The following FSCN2 variants were observed in gnomAD, a reference collection of about 807,000 sequenced individuals.
The protein encoded by FSCN2 is fascin-2.
FSCN2 carries 46 observed loss-of-function variants against 37.8 expected under a neutral mutation model. That is an observed-to-expected ratio of 1.22 (90% CI 0.96 to 1.56). FSCN2 has a LOEUF of 1.56. Ranked by LOEUF, FSCN2 falls within the 40% of genes most tolerant of loss-of-function variation. The pLI, the probability that FSCN2 is intolerant of heterozygous loss-of-function variation, is 0.00. For synonymous variants in FSCN2, 351 were observed against 309.4 expected (o/e 1.13, Z -1.41); for missense variants, 844 against 730.4 (o/e 1.16, Z -1.79).
At chr17:81,525,918 A>G (rs2032336300), upstream of FSCN2, among the ~76,000 whole-genome samples, 1 of 152,064 alleles carries the variant, frequency 6.6e-6, no homozygotes, top group South Asian at 2.1e-4. Context: ...GCCTCCCTCC[A>G]AGGAAGCCTG....
chr17:81,535,389 AT>A (rs1292404209), intron 2 of FSCN2, among the ~76,000 whole-genome samples, 181 bp downstream of exon 2: 1 of 132,168 alleles, frequency 7.6e-6, no homozygotes, highest in Non-Finnish European at 1.6e-5. Flanking sequence ...CGCCATCCCC[AT>A]CCCCATCATC....
chr17:81,525,465 G>A (rs1419438801), upstream of FSCN2, among the ~76,000 whole-genome samples: 1 of 148,958 alleles, frequency 6.7e-6, no homozygotes, highest in South Asian at 2.1e-4. Flanking sequence ...GTTCACGGCT[G>A]TAATCCCAGC....
intron 1 of FSCN2, among the ~76,000 whole-genome samples, chr17:81,529,935 G>A (rs894245114): frequency 7.9e-5 from 12 of 152,180 alleles, no homozygotes; most frequent in Non-Finnish European, 1.2e-4. Flanking sequence ...TCAGCCTCCC[G>A]AGTAGCTGGG....
rs1220673103 is a variant in FSCN2, at chr17:81,537,031, T to C, written c.1430T>C (p.Leu477Pro). 2.7e-6 allele frequency: 4 copies of C among 1,483,040 alleles called. No homozygotes were observed. Among genetic ancestry groups the C allele is most frequent in the Non-Finnish European group, 3.6e-6 (4 of 1,124,152 alleles). The allele number at this position is 1,483,040 out of a possible 1,614,324, so 91.9% of individuals were successfully genotyped here. Residue 477 changes from leucine (L) to proline (P), a missense_variant, in exon 5 of 5, where the codon CTG becomes CCG. Coordinates refer to ENST00000417245, the MANE Select transcript of FSCN2 (RefSeq NM_012418.4). ...KYLRGGASGL[L>P]RADADAPAGT... ...CTGCGCGGCGGCGCCTCGGGCCTGC[T>C]GCGGGCCGATGCCGACGCCCCGGCC...
chr17:81,528,369 CGCGGGTCAGAG>C (rs570523553), exon 1 of FSCN2: 113 of 605,898 alleles, frequency 1.9e-4, no homozygotes, highest in African/African-American at 1.1e-3. Flanking sequence ...AGGCTGCTGC[CGCGGGTCAGAG>C]GCGGGTCAGA....
the FSCN2 span, among the ~76,000 whole-genome samples, chr17:81,520,232 A>T: frequency 6.6e-6 from 1 of 152,046 alleles, no homozygotes; most frequent in African/African-American, 2.4e-5. Flanking sequence ...GGCCGTGGGG[A>T]CACAGGAAGG....
At chr17:81,519,554 C>A in the FSCN2 span, among the ~76,000 whole-genome samples, 1 of 152,178 alleles carries the variant, frequency 6.6e-6, no homozygotes, top group African/African-American at 2.4e-5. Context: ...GAGGCCGCAC[C>A]TGTCGCGCTG....
At chr17:81,531,916 T>A (rs1443545478) in intron 1 of FSCN2, among the ~76,000 whole-genome samples, 1 of 150,808 alleles carries the variant, frequency 6.6e-6, no homozygotes, top group African/African-American at 2.5e-5. Context: ...ATGGTGATGA[T>A]GGTGATGGTG....
upstream of FSCN2, among the ~76,000 whole-genome samples, chr17:81,526,360 A>T (rs142150280): frequency 6.6e-6 from 1 of 152,342 alleles, no homozygotes; most frequent in Non-Finnish European, 1.5e-5. Context: ...GGCCGGGCGC[A>T]GTGGCCACGC....
At chr17:81,536,070 T>G (rs1568082654) in intron 2 of FSCN2, 76 bp from the exon 3 acceptor site, 1 of 1,536,464 alleles carries the variant, frequency 6.5e-7, no homozygotes, top group Non-Finnish European at 8.8e-7. Context: ...CCTTGGAACC[T>G]GAGGAGGATG....
intron 1 of FSCN2, among the ~76,000 whole-genome samples, chr17:81,532,288 TGGTGATGATGATGATAGTGATGGC>T (rs2032692192): frequency 7.1e-6 from 1 of 141,222 alleles, no homozygotes; most frequent in African/African-American, 2.8e-5. Context: ...ATGGTGATGG[TGGTGATGATGATGATAGTGATGGC>T]GATGATGGTG....
chr17:81,532,415 G>A (rs1598576436), intron 1 of FSCN2, among the ~76,000 whole-genome samples: 1 of 140,360 alleles, frequency 7.1e-6, no homozygotes, highest in East Asian at 2.1e-4. Flanking sequence ...TGATGGTGAT[G>A]ATGGTGATGG....
At chr17:81,534,705 T>C (rs1228335617) in intron 1 of FSCN2, among the ~76,000 whole-genome samples, 1 of 151,566 alleles carries the variant, frequency 6.6e-6, no homozygotes, top group South Asian at 2.1e-4. Flanking sequence ...GAGTTATAAA[T>C]AGAGGCTGGG....
At position 81,529,206 on chromosome 17, in the gene FSCN2, C is replaced by T. The variant is rs782333564; in HGVS notation, c.675C>T (p.Asp225=). ...GCAAGCTGGCCTTCAAGGACTGCGA[C>T]GGCCACTACCTGGCACCCGTGGGGC... is the stretch of plus-strand genomic sequence containing the variant. ...KAGKLAFKDC[D]GHYLAPVGPA... The change falls in exon 1 of 5, where the codon GAC becomes GAT. Residue 225 remains aspartate, a synonymous_variant. Transcript: ENST00000417245. 45 of 1,597,642 alleles carry T rather than the reference C, an allele frequency of 2.8e-5. No homozygotes were observed. The highest frequency in any genetic ancestry group is 2.3e-4 in the African/African-American group (17 of 74,720).
In FSCN2 at chr17:81,535,034, C is replaced by T; in HGVS notation, c.827-18C>T. ...ACCCAGGAGAGGCGTGAGGGGCTTC[C>T]CCATCTCCTCCCTCCAGGGGTCAAC... is the stretch of plus-strand genomic sequence containing the variant. On this transcript the variant is annotated intron_variant, in intron 1 of 4. Transcript: ENST00000417245. The T allele has an allele frequency of 6.6e-7, 1 of 1,515,486 alleles. No individual in the cohort carries two copies. The highest frequency in any genetic ancestry group is 8.8e-7 in the Non-Finnish European group (1 of 1,135,118). The allele number at this position is 1,515,486 out of a possible 1,614,324, so 93.9% of individuals were successfully genotyped here.
the FSCN2 span, among the ~76,000 whole-genome samples, chr17:81,517,782 C>T: frequency 6.8e-6 from 1 of 148,022 alleles, no homozygotes; most frequent in African/African-American, 2.5e-5. Flanking sequence ...TCCAGTCCCA[C>T]TCCTTCCTCC....
chr17:81,529,310 A>G lies in FSCN2; in HGVS notation c.779A>G (p.Gln260Arg), dbSNP rs374814454. The change falls in exon 1 of 5, where the codon CAG becomes CGG. Residue 260 changes from glutamine (Q) to arginine (R), a missense_variant. Gln to Arg is a conservative substitution (Grantham distance 43). Transcript: ENST00000417245. ...ELFDLEESHP[Q>R]VVLVAANHRY... The stretch of plus-strand genomic sequence containing the variant: ...TTTGATCTGGAGGAGAGTCACCCAC[A>G]GGTGGTGCTGGTGGCTGCCAACCAC... The G allele has an allele frequency of 6.4e-7, 1 of 1,565,990 alleles. No individual in the cohort carries two copies. Among genetic ancestry groups the G allele is most frequent in the Non-Finnish European group, 8.7e-7 (1 of 1,154,182 alleles).
the FSCN2 span, among the ~76,000 whole-genome samples, chr17:81,521,425 G>A: frequency 2.0e-5 from 3 of 148,484 alleles, no homozygotes; most frequent in African/African-American, 7.6e-5. Flanking sequence ...GTGCATTGGT[G>A]CCATCTCAGT....
At chr17:81,536,391 T>C (rs2032878398) in intron 3 of FSCN2, 124 bp downstream of exon 3, 2 of 1,438,940 alleles carry the variant, frequency 1.4e-6, no homozygotes, top group Non-Finnish European at 9.3e-7. Context: ...GGTGCTGTCA[T>C]GGAGTCATAC....
Sources: gnomAD v4.1 joint callset for allele counts (sites outside exome capture counted in the v4.1 genomes callset) on GRCh38, gnomAD v4.1.1 for gene constraint, MANE v1.5 for transcripts, NCBI Gene and HGNC (gene_info 2026-07-23, HGNC 2026-07-21) for gene names.